CEP128: variants seen among roughly 807,000 people sequenced by gnomAD.
CEP128 encodes the protein centrosomal protein 128.
In CEP128, 132 loss-of-function variants were observed where a neutral mutation model predicts 156.7. That is an observed-to-expected ratio of 0.84 (90% CI 0.73 to 0.97). CEP128 has a LOEUF of 0.97. Ranked by LOEUF, CEP128 falls within the 50% of genes least tolerant of loss-of-function variation. CEP128 has a pLI of 0.00. For synonymous variants in CEP128, 469 were observed against 448.9 expected, an observed-to-expected ratio of 1.04 and a Z score of -0.57; for missense variants, 1,252 against 1,281.9, an observed-to-expected ratio of 0.98 and a Z score of 0.36.
chr14:80,717,987 G>GTC, intron 19 of CEP128, among the ~76,000 whole-genome samples: 1 of 151,826 alleles, frequency 6.6e-6, no homozygotes, highest in Non-Finnish European at 1.5e-5. Flanking sequence ...GCTAACTTGT[G>GTC]TGTGTGTATG....
intron 19 of CEP128, among the ~76,000 whole-genome samples, chr14:80,688,480 G>C (rs1238662552): frequency 6.6e-6 from 1 of 152,134 alleles, no homozygotes; most frequent in African/African-American, 2.4e-5. Context: ...TCTTTATTCT[G>C]ACTTATTAAA....
At chr14:80,582,633 AC>A (rs1234683923) in intron 19 of CEP128, among the ~76,000 whole-genome samples, 4 of 152,046 alleles carry the variant, frequency 2.6e-5, no homozygotes, top group African/African-American at 9.7e-5. Flanking sequence ...AAAGGATTGG[AC>A]TAAGAATAGA....
chr14:80,903,818 T>C (rs866318355), intron 6 of CEP128, among the ~76,000 whole-genome samples: 5 of 152,058 alleles, frequency 3.3e-5, no homozygotes, highest in Admixed American at 6.5e-5. Flanking sequence ...CCTGTTAAAA[T>C]GGCTTTTATC....
chr14:80,673,645 CAAAAAAAAAA>C (rs4016509), intron 19 of CEP128, among the ~76,000 whole-genome samples: 4 of 43,964 alleles, frequency 9.1e-5, no homozygotes, highest in Admixed American at 7.6e-4. Flanking sequence ...GACTCCGTCT[CAAAAAAAAAA>C]AAAAAAAAAA....
chr14:80,482,482 A>G (rs957940318), intron 14 of CEP128, among the ~76,000 whole-genome samples: 21 of 152,220 alleles, frequency 1.4e-4, no homozygotes, highest in Non-Finnish European at 4.4e-5. Context: ...ATGCACCAGA[A>G]GCTTAGAATC....
intron 20 of CEP128, among the ~76,000 whole-genome samples, chr14:80,579,738 G>A (rs1891508255): frequency 6.6e-6 from 1 of 152,132 alleles, no homozygotes; most frequent in African/African-American, 2.4e-5. Context: ...AACTGATTAT[G>A]TTTCCCCTAA....
intron 9 of CEP128, among the ~76,000 whole-genome samples, chr14:80,853,197 T>TACA (rs36041472): frequency 0.12 from 18,235 of 151,708 alleles, 1,555 homozygotes; most frequent in East Asian, 0.44. Context: ...GCAAACACCA[T>TACA]ACAACATTTA....
intron 9 of CEP128, among the ~76,000 whole-genome samples, chr14:80,855,383 C>G (rs149033768): frequency 7.0e-4 from 106 of 152,224 alleles, no homozygotes; most frequent in Middle Eastern, 3.4e-3. Context: ...TTTAAACTTT[C>G]ATTTACTTGT....
chr14:80,561,327 A>G (rs1238260635), intron 20 of CEP128, among the ~76,000 whole-genome samples: 1 of 152,188 alleles, frequency 6.6e-6, no homozygotes, highest in Non-Finnish European at 1.5e-5. Flanking sequence ...AATAACTGCT[A>G]TGTTGTTGGT....
At chr14:80,544,092 C>T (rs148391122) in intron 21 of CEP128, among the ~76,000 whole-genome samples, 162 of 152,294 alleles carry the variant, frequency 1.1e-3, no homozygotes, top group African/African-American at 3.8e-3. Flanking sequence ...ATCAAATCTA[C>T]GACATCACTA....
chr14:80,780,891 T>A (rs968282339), intron 15 of CEP128, among the ~76,000 whole-genome samples: 29 of 152,150 alleles, frequency 1.9e-4, no homozygotes, highest in Non-Finnish European at 3.1e-4. Flanking sequence ...CTTATGAACA[T>A]GCAACAAATC....
At chr14:80,647,831 C>T (rs529780620) in intron 19 of CEP128, among the ~76,000 whole-genome samples, 197 of 152,152 alleles carry the variant, frequency 1.3e-3, no homozygotes, top group African/African-American at 4.4e-3. Context: ...TGCTTCACAG[C>T]GAATTCACAA....
downstream of CEP128, among the ~76,000 whole-genome samples, chr14:80,492,838 A>T (rs1427788364): frequency 6.6e-6 from 1 of 152,210 alleles, no homozygotes; most frequent in East Asian, 1.9e-4. Flanking sequence ...ATATTAAATC[A>T]TTATATAAAG....
intron 19 of CEP128, among the ~76,000 whole-genome samples, chr14:80,721,755 T>TA (rs1566876723): frequency 6.6e-6 from 1 of 152,176 alleles, no homozygotes; most frequent in East Asian, 1.9e-4. Context: ...TATAAATAAA[T>TA]AAACAGGTGA....
chr14:80,899,805 C>A, intron 7 of CEP128, 133 bp downstream of exon 7: 1 of 578,764 alleles, frequency 1.7e-6, no homozygotes, highest in Non-Finnish European at 3.1e-6. Flanking sequence ...GTAAACTGTT[C>A]TGTTAATAAA....
rs930131704 is a variant in CEP128, at chr14:80,834,297, T to C, written c.1057+1908A>G. Reference sequence around the variant, plus strand: ...AGAGGCATAGAAGTCACAGGAAGAGTTTCAAGAAGGAAGAAGAAATAAGCA... The same window carrying C: ...AGAGGCATAGAAGTCACAGGAAGAGCTTCAAGAAGGAAGAAGAAATAAGCA... On this transcript the variant is annotated intron_variant, in intron 12 of 24. Transcript: ENST00000555265. Among the ~76,000 whole-genome samples the C allele has an allele frequency of 5.4e-5, 8 of 148,904 alleles. No individual in the cohort carries two copies. In the South Asian group the frequency reaches 1.7e-3, roughly 32 times the overall value.
intron 19 of CEP128, among the ~76,000 whole-genome samples, chr14:80,721,032 T>C (rs1165614131): frequency 2.0e-5 from 3 of 152,222 alleles, no homozygotes; most frequent in Non-Finnish European, 4.4e-5. Context: ...TGTTATTCCC[T>C]ACCTTTTTAA....
intron 19 of CEP128, among the ~76,000 whole-genome samples, chr14:80,705,491 CAT>C (rs1323444592): frequency 2.6e-5 from 4 of 152,190 alleles, no homozygotes; most frequent in East Asian, 1.9e-4. Context: ...GCTTTACAAA[CAT>C]GTGAAAATCT....
At chr14:80,815,694 T>A (rs1055143643) in intron 13 of CEP128, among the ~76,000 whole-genome samples, 6 of 152,174 alleles carry the variant, frequency 3.9e-5, no homozygotes, top group Non-Finnish European at 5.9e-5. Flanking sequence ...TGAATGGATT[T>A]TTGAAAATGT....
Sources: gnomAD v4.1 joint callset for allele counts (sites outside exome capture counted in the v4.1 genomes callset) on GRCh38, gnomAD v4.1.1 for gene constraint, MANE v1.5 for transcripts, NCBI Gene and HGNC (gene_info 2026-07-23, HGNC 2026-07-21) for gene names.